The following SANBR variants were observed in gnomAD, a reference collection of about 807,000 sequenced individuals.
The protein encoded by SANBR is SANT and BTB domain regulator of CSR.
Under a neutral mutation model 101.8 loss-of-function variants are expected in SANBR, and 77 were observed. That is an observed-to-expected ratio of 0.76 (90% CI 0.63 to 0.91). The LOEUF is 0.91. Among genes scored for constraint, SANBR ranks in the 40% least tolerant of loss-of-function variants. The pLI is 0.00. For synonymous variants in SANBR, 279 were observed against 274.7 expected (o/e 1.02, Z -0.15); for missense variants, 875 against 853.0 (o/e 1.03, Z -0.32).
At chr2:61,108,250 A>G (rs1683666848) in intron 14 of SANBR, 67 bp from the exon 15 acceptor site, 1 of 947,146 alleles carries the variant, frequency 1.1e-6, no homozygotes, top group Non-Finnish European at 1.6e-6. Flanking sequence ...TACAGTATCT[A>G]TATCAAAATA....
chr2:61,073,403 A>T, intron 4 of SANBR, 55 bp from the exon 5 acceptor site: 1 of 840,298 alleles, frequency 1.2e-6, no homozygotes, highest in Non-Finnish European at 1.9e-6. Context: ...ATTCTCAGCT[A>T]GAAACACTAA....
chr2:61,070,904 C>T (rs1381853959), intron 3 of SANBR, among the ~76,000 whole-genome samples: 1 of 151,648 alleles, frequency 6.6e-6, no homozygotes, highest in African/African-American at 2.4e-5. Context: ...ATCTCACAGT[C>T]TCTCTCAGAG....
At chr2:61,112,529 T>G (rs1034571548) in intron 16 of SANBR, among the ~76,000 whole-genome samples, 9 of 151,996 alleles carry the variant, frequency 5.9e-5, no homozygotes, top group Non-Finnish European at 1.2e-4. Context: ...TAGAGTCTTG[T>G]TCTGTCATCC....
chr2:61,079,140 CTA>C (rs1423302763), intron 6 of SANBR, among the ~76,000 whole-genome samples: 1 of 151,978 alleles, frequency 6.6e-6, no homozygotes, highest in Non-Finnish European at 1.5e-5. Flanking sequence ...TTGATTTCCT[CTA>C]TTTTAATTTC....
intron 11 of SANBR, among the ~76,000 whole-genome samples, chr2:61,093,719 A>G (rs1466873079): frequency 6.6e-6 from 1 of 152,162 alleles, no homozygotes; most frequent in Non-Finnish European, 1.5e-5. Context: ...CTGTTGTTCT[A>G]TACACTTCTA....
In SANBR at chr2:61,122,208, C is replaced by A. The variant is rs1684359004; in HGVS notation, c.*46C>A. On this transcript the variant is annotated 3_prime_UTR_variant, in exon 22 of 22. Transcript: ENST00000402291. The stretch of plus-strand genomic sequence containing the variant: ...AAAAGAGAGAAGGCACTCTTCTGGA[C>A]ATCTGAAATTGCTCACTTCTTGAAG... 8 of 1,520,462 alleles carry A rather than the reference C, an allele frequency of 5.3e-6. No homozygotes were observed. Among genetic ancestry groups the A allele is most frequent in the Non-Finnish European group, 7.1e-6 (8 of 1,133,116 alleles). The allele number at this position is 1,520,462 out of a possible 1,614,324, so 94.2% of individuals were successfully genotyped here. A position where few individuals can be genotyped will look rare whatever the true frequency, so the allele number is the denominator to read the frequency against.
chr2:61,112,849 A>G (rs1438223261), intron 16 of SANBR, among the ~76,000 whole-genome samples: 1 of 152,140 alleles, frequency 6.6e-6, no homozygotes, highest in East Asian at 1.9e-4. Flanking sequence ...GTGAATTCTA[A>G]TTTTTTAGTT....
intron 6 of SANBR, 62 bp downstream of exon 6, chr2:61,077,220 A>G (rs749884093): frequency 2.8e-5 from 33 of 1,180,674 alleles, no homozygotes; most frequent in Non-Finnish European, 3.9e-5. Flanking sequence ...TAGTTTCTTC[A>G]GGCCAAAAGT....
chr2:61,101,188 A>G (rs2104924140), intron 12 of SANBR, among the ~76,000 whole-genome samples: 1 of 152,320 alleles, frequency 6.6e-6, no homozygotes, highest in South Asian at 2.1e-4. Context: ...TGGGCATGAG[A>G]CGTTAAGCAA....
At chr2:61,105,923 G>A (rs904612396) in intron 13 of SANBR, among the ~76,000 whole-genome samples, 8 of 152,174 alleles carry the variant, frequency 5.3e-5, no homozygotes, top group African/African-American at 9.6e-5. Flanking sequence ...GCCCGCCTCG[G>A]CCTCGCAAAG....
downstream of SANBR, among the ~76,000 whole-genome samples, chr2:61,128,166 G>A (rs1359323033): frequency 2.0e-5 from 3 of 151,922 alleles, no homozygotes; most frequent in Non-Finnish European, 1.5e-5. Context: ...CAGCTACTTG[G>A]GAGGTTGAGG....
chr2:61,110,233 A>G (rs1004786567), intron 16 of SANBR, among the ~76,000 whole-genome samples: 1 of 152,050 alleles, frequency 6.6e-6, no homozygotes, highest in Admixed American at 6.6e-5. Flanking sequence ...GTGGTATTCC[A>G]TTATACTACT....
intron 16 of SANBR, among the ~76,000 whole-genome samples, chr2:61,110,095 C>T (rs1573651212): frequency 6.6e-6 from 1 of 152,118 alleles, no homozygotes; most frequent in Admixed American, 6.5e-5. Context: ...TCTGTTTTGT[C>T]ACAATAATTT....
intron 20 of SANBR, chr2:61,134,004 T>C: frequency 7.4e-7 from 1 of 1,350,192 alleles, no homozygotes; most frequent in Non-Finnish European, 1.0e-6. Flanking sequence ...TGCATTTGGG[T>C]AATAGAAATA....
At chr2:61,078,536 C>T (rs965975305) in intron 6 of SANBR, among the ~76,000 whole-genome samples, 1 of 152,050 alleles carries the variant, frequency 6.6e-6, no homozygotes, top group Non-Finnish European at 1.5e-5. Flanking sequence ...GTTCTCCTGC[C>T]TCAGCCTCCC....
Position 61,122,673 on chromosome 2 carries a change from A to C in SANBR, c.*511A>C, listed in dbSNP as rs1684381376. 1.0e-6 allele frequency: 1 copy of C among 986,148 alleles called. No homozygotes were observed. The highest frequency in any genetic ancestry group is 1.2e-6 in the Non-Finnish European group (1 of 830,394). The allele number at this position is 986,148 out of a possible 1,614,324, so 61.1% of individuals were successfully genotyped here. The stretch of plus-strand genomic sequence containing the variant: ...GAATATTAAGGAGTGACAGGTCTCA[A>C]GACTGCATTAAATGAAGTTTCAGGG... On this transcript the variant is annotated 3_prime_UTR_variant, in exon 22 of 22. Coordinates refer to ENST00000402291, the MANE Select transcript of SANBR (RefSeq NM_001129993.3).
chr2:61,067,709 C>A (rs965297101), intron 1 of SANBR, among the ~76,000 whole-genome samples: 2 of 152,134 alleles, frequency 1.3e-5, no homozygotes, highest in Non-Finnish European at 2.9e-5. Context: ...GCACTCTGGC[C>A]TGATGAGAGA....
At chr2:61,090,697 A>ATG (rs779205822) in intron 10 of SANBR, 119 of 145,278 alleles carry the variant, frequency 8.2e-4, no homozygotes, top group Non-Finnish European at 1.4e-3. Flanking sequence ...GCAATTGTGT[A>ATG]TGTGTGTGTG....
intron 20 of SANBR, among the ~76,000 whole-genome samples, chr2:61,129,732 T>G (rs1684627702): frequency 6.6e-6 from 1 of 151,612 alleles, no homozygotes; most frequent in Admixed American, 6.6e-5. Flanking sequence ...AAATGAGAAA[T>G]AAATTTGATG....
Sources: allele counts gnomAD v4.1 joint callset (sites outside exome capture counted in the v4.1 genomes callset), GRCh38; gene constraint gnomAD v4.1.1; transcripts MANE v1.5; gene names NCBI Gene and HGNC (gene_info 2026-07-23, HGNC 2026-07-21).